DCLK1: variants seen among roughly 807,000 people sequenced by gnomAD.
DCLK1 encodes the protein doublecortin like kinase 1.
DCLK1 carries 16 observed loss-of-function variants against 86.2 expected under a neutral mutation model. The ratio of observed to expected loss-of-function variants is 0.19; its 90% CI spans 0.13 to 0.28. The LOEUF (loss-of-function observed/expected upper bound fraction) is 0.28, where lower values mean the gene tolerates loss of function less well. Among genes scored for constraint, DCLK1 ranks in the 10% least tolerant of loss-of-function variants. The pLI is 1.00. For synonymous variants in DCLK1, 369 were observed against 370.5 expected, an observed-to-expected ratio of 1.00 and a Z score of 0.05; for missense variants, 590 against 940.2, an observed-to-expected ratio of 0.63 and a Z score of 4.87.
chr13:35,808,212 C>A lies in DCLK1; in HGVS notation c.1863+12G>T, dbSNP rs2087068601. On this transcript the variant is annotated intron_variant, in intron 14 of 16. Transcript: ENST00000360631. ...ACAGAATATAGGGAAGAGGAAGGCACTGGACACCTACCTTTGCAGAATCGG... is the reference window on the plus strand; with the variant it reads ...ACAGAATATAGGGAAGAGGAAGGCAATGGACACCTACCTTTGCAGAATCGG... The A allele has an allele frequency of 4.3e-6, 7 of 1,612,332 alleles. No homozygotes were observed. The highest frequency in any genetic ancestry group is 5.1e-6 in the Non-Finnish European group (6 of 1,178,416).
intron 16 of DCLK1, among the ~76,000 whole-genome samples, chr13:35,784,678 TAC>T: frequency 1.3e-5 from 2 of 152,284 alleles, no homozygotes; most frequent in Middle Eastern, 6.8e-3. Flanking sequence ...AATTCTGTGT[TAC>T]AGAGGGAGCC....
At chr13:36,067,001 G>A (rs1043269121) in intron 3 of DCLK1, among the ~76,000 whole-genome samples, 10 of 145,872 alleles carry the variant, frequency 6.9e-5, no homozygotes, top group African/African-American at 2.3e-4. Flanking sequence ...TCAGTGTGGC[G>A]ATTCCTCAGG....
At chr13:35,882,020 C>T (rs757990804) in intron 4 of DCLK1, among the ~76,000 whole-genome samples, 8 of 152,172 alleles carry the variant, frequency 5.3e-5, no homozygotes, top group Non-Finnish European at 8.8e-5. Flanking sequence ...GTTGCCATAA[C>T]AAATTACAAC....
chr13:36,050,610 C>T (rs929697636), intron 3 of DCLK1, among the ~76,000 whole-genome samples: 1 of 152,080 alleles, frequency 6.6e-6, no homozygotes, highest in South Asian at 2.1e-4. Context: ...GAGGATTAGG[C>T]CCCATTATTT....
chr13:35,842,709 G>A (rs986726496), intron 6 of DCLK1, among the ~76,000 whole-genome samples: 1 of 152,218 alleles, frequency 6.6e-6, no homozygotes, highest in Admixed American at 6.5e-5. Flanking sequence ...TCTCCCTGGT[G>A]TGTGTTTGAA....
rs1885632347 is a variant in DCLK1, at chr13:36,111,899, C to T, written c.693G>A (p.Val231=). Residue 231 remains valine (V), a synonymous_variant, in exon 3 of 17, where the codon GTG becomes GTA. Transcript: ENST00000360631. The part of the protein sequence containing the change: ...TDAIKLDSGV[V]KRLYTLDGKQ... ...TCCCATCCAACGTGTACAGGCGTTT[C>T]ACCACTCCCGAGTCCAGCTTGATGG... 1.2e-6 allele frequency: 2 copies of T among 1,613,900 alleles called. No individual in the cohort carries two copies. Among genetic ancestry groups the T allele is most frequent in the Non-Finnish European group, 1.7e-6 (2 of 1,179,930 alleles).
intron 4 of DCLK1, among the ~76,000 whole-genome samples, chr13:35,900,367 A>C (rs1171060): frequency 6.6e-6 from 1 of 151,644 alleles, no homozygotes; most frequent in Non-Finnish European, 1.5e-5. Context: ...CAGCCTTCCA[A>C]GTAGCCGGGA....
In DCLK1 at chr13:35,854,538, G is replaced by A; in HGVS notation, c.996C>T (p.Ser332=). The A allele has an allele frequency of 1.9e-6, 3 of 1,607,048 alleles. No individual in the cohort carries two copies. Among genetic ancestry groups the A allele is most frequent in the Non-Finnish European group, 2.6e-6 (3 of 1,176,198 alleles). ...GGCTTCCTGGGCTGGTGGGTGATGG[G>A]CTTGGCGACTTGCCTGAGCGCGGAG... is the stretch of plus-strand genomic sequence containing the variant. ...LSTPRSGKSP[S]PSPTSPGSLR... is the part of the protein sequence containing the mutation. Residue 332 remains serine (S), a synonymous_variant, in exon 6 of 17, where the codon AGC becomes AGT. Coordinates refer to ENST00000360631, the MANE Select transcript of DCLK1 (RefSeq NM_001330071.2).
At chr13:35,918,911 G>GTTTTTTTTTT (rs1875611382) in intron 4 of DCLK1, among the ~76,000 whole-genome samples, 1 of 2,236 alleles carries the variant, frequency 4.5e-4, no homozygotes, top group Admixed American at 3.5e-3. Context: ...TTTTTTTTTG[G>GTTTTTTTTTT]AAACGGAGTC....
chr13:35,925,275 A>G (rs1267099858), intron 4 of DCLK1, among the ~76,000 whole-genome samples: 2 of 152,118 alleles, frequency 1.3e-5, no homozygotes, highest in African/African-American at 4.8e-5. Flanking sequence ...TTGGGTCAAG[A>G]CTCCTTTGCA....
intron 4 of DCLK1, among the ~76,000 whole-genome samples, chr13:35,895,032 A>G (rs1392170100): frequency 6.6e-6 from 1 of 152,102 alleles, no homozygotes; most frequent in Non-Finnish European, 1.5e-5. Context: ...CTGCAACCTC[A>G]AACTCCTTGA....
chr13:36,075,324 T>C (rs140406659), intron 3 of DCLK1, among the ~76,000 whole-genome samples: 1 of 152,338 alleles, frequency 6.6e-6, no homozygotes, highest in Non-Finnish European at 1.5e-5. Flanking sequence ...ACATAATTAC[T>C]ATGGCTTCCT....
intron 4 of DCLK1, among the ~76,000 whole-genome samples, chr13:35,928,795 A>G (rs1876266746): frequency 6.6e-6 from 1 of 152,232 alleles, no homozygotes; most frequent in South Asian, 2.1e-4. Context: ...CTGCAATATA[A>G]TAAATTGAAT....
chr13:35,876,959 T>C (rs760068681), intron 4 of DCLK1, among the ~76,000 whole-genome samples: 7 of 152,144 alleles, frequency 4.6e-5, no homozygotes, highest in African/African-American at 9.7e-5. Context: ...CTCCTAAAGA[T>C]TGCAGCCTAC....
chr13:35,935,745 A>G (rs17053202), intron 4 of DCLK1, among the ~76,000 whole-genome samples: 3,411 of 152,274 alleles, frequency 0.022, 126 homozygotes, highest in African/African-American at 0.078. Context: ...TTAAAGATTA[A>G]GGATATATTG....
At chr13:36,015,733 C>A (rs1881514564) in intron 3 of DCLK1, among the ~76,000 whole-genome samples, 1 of 152,206 alleles carries the variant, frequency 6.6e-6, no homozygotes. Context: ...ACCACCCACA[C>A]CTGCCAACCA....
At chr13:35,834,909 C>A (rs1869244446) in intron 8 of DCLK1, among the ~76,000 whole-genome samples, 1 of 152,184 alleles carries the variant, frequency 6.6e-6, no homozygotes, top group African/African-American at 2.4e-5. Flanking sequence ...ATAAGGAGGA[C>A]TCTGCTACCT....
chr13:35,801,556 G>A (rs561199571), intron 15 of DCLK1, among the ~76,000 whole-genome samples: 1 of 150,790 alleles, frequency 6.6e-6, no homozygotes, highest in African/African-American at 2.4e-5. Context: ...TTCTCTCCCT[G>A]CTTTTAGAAA....
chr13:36,088,176 G>C, intron 3 of DCLK1, among the ~76,000 whole-genome samples: 1 of 152,222 alleles, frequency 6.6e-6, no homozygotes, highest in East Asian at 1.9e-4. Flanking sequence ...ATAGCAGGTT[G>C]ATGACTAGGA....
Sources: gnomAD v4.1 joint callset for allele counts (sites outside exome capture counted in the v4.1 genomes callset) on GRCh38, gnomAD v4.1.1 for gene constraint, MANE v1.5 for transcripts, NCBI Gene and HGNC (gene_info 2026-07-23, HGNC 2026-07-21) for gene names.